Variants in MDN1 observed in about 807,000 individuals in gnomAD.
MDN1 encodes the protein midasin AAA ATPase 1, also known as midasin.
A neutral mutation model predicts 669.2 loss-of-function variants in MDN1; 266 were observed. The ratio of observed to expected loss-of-function variants is 0.40; its 90% CI spans 0.36 to 0.44. The LOEUF (loss-of-function observed/expected upper bound fraction) is 0.44. MDN1 is among the 20% of genes least tolerant of loss of function. MDN1 has a pLI of 1.00. For missense variants in MDN1, 5,940 were observed against 6,754.0 expected, an observed-to-expected ratio of 0.88 and a Z score of 4.22; for synonymous variants, 2,385 against 2,457.1, an observed-to-expected ratio of 0.97 and a Z score of 0.87.
At chr6:89,772,352 TAAAAC>T (rs1206168134) in intron 14 of MDN1, among the ~76,000 whole-genome samples, 5 of 152,106 alleles carry the variant, frequency 3.3e-5, no homozygotes, top group African/African-American at 1.2e-4. Flanking sequence ...TGTTTTGAAA[TAAAAC>T]AAAATCTATA....
chr6:89,704,013 C>CAAAA (rs60168431), intron 53 of MDN1, among the ~76,000 whole-genome samples: 1 of 104,008 alleles, frequency 9.6e-6, no homozygotes, highest in Admixed American at 1.0e-4. Flanking sequence ...AACTCCGTCT[C>CAAAA]AAAAAAAAAA....
rs1231422461 is a variant in MDN1 at position 89,686,930 on chromosome 6, G to T, written c.11544C>A (p.His3848Gln). The T allele has an allele frequency of 1.9e-6, 3 of 1,613,660 alleles. No individual in the cohort carries two copies. The highest frequency in any genetic ancestry group is 2.7e-5 in the African/African-American group (2 of 74,796). Residue 3848 changes from histidine (H) to glutamine (Q), a missense_variant, in exon 69 of 102, where the codon CAC becomes CAA. By Grantham distance (24) the His-to-Gln change is conservative. Around this residue, in one of 5 missense-constraint regions of MDN1, gnomAD observed 2,280 missense variants for 2,576.3 expected, o/e 0.88. Coordinates refer to ENST00000369393, the MANE Select transcript of MDN1 (RefSeq NM_014611.3). ...WFSIYQMLEK[H>Q]MQEQTEEQED... ...CCTGTTCTTCTGTTTGTTCCTGCAT[G>T]TGCTTCTCAAGCATCTGATAGATGG...
Position 89,819,654 on chromosome 6 carries a change from C to T in MDN1, c.-47G>A. On this transcript the variant is annotated 5_prime_UTR_variant, in exon 1 of 102. Transcript: ENST00000369393. ...GCGGCCACCTGCGCTCCCTACTTCG[C>T]GGCCAGCGTCCCCAAGCCGCCGAGG... The T allele has an allele frequency of 2.0e-6, 3 of 1,535,334 alleles. No individual in the cohort carries two copies. The highest frequency in any genetic ancestry group is 2.7e-6 in the Non-Finnish European group (3 of 1,122,792).
chr6:89,719,181 T>C lies in MDN1; in HGVS notation c.6012A>G (p.Pro2004=). 1 of 1,613,986 alleles carries C rather than the reference T, an allele frequency of 6.2e-7. No homozygotes were observed. The highest frequency in any genetic ancestry group is 8.5e-7 in the Non-Finnish European group (1 of 1,179,850). The change falls in exon 41 of 102, where the codon CCA becomes CCG. Residue 2004 remains proline, a synonymous_variant. Coordinates refer to ENST00000369393, the MANE Select transcript of MDN1 (RefSeq NM_014611.3). ...FKDVFGSNSN[P]YMGTRLFRIT... ...TACGAAATAGTCTGGTTCCCATGTA[T>C]GGGTTGGAATTTGAACCAAACACAT... is the stretch of plus-strand genomic sequence containing the variant.
chr6:89,695,147 G>A lies in MDN1; in HGVS notation c.9771+458C>T, dbSNP rs1812647340. On this transcript the variant is annotated intron_variant, in intron 61 of 101. Transcript: ENST00000369393. This position sits in a 1 kb window ranked among gnomAD's most constrained non-coding sequence, Gnocchi z 4.1. ...ACTCGGGAGGCTGAGGCAGAGAATT[G>A]CTTGAACCCAGGAGGCAGAGGTTGC... 6.6e-6 allele frequency among the ~76,000 whole-genome samples: 1 copy of A among 152,158 alleles called. No homozygotes were observed. The highest frequency in any genetic ancestry group is 2.1e-4 in the South Asian group (1 of 4,826).
intron 1 of MDN1, among the ~76,000 whole-genome samples, chr6:89,811,638 G>T (rs1312002877): frequency 6.6e-6 from 1 of 151,930 alleles, no homozygotes; most frequent in Non-Finnish European, 1.5e-5. Context: ...TAGAGATGGG[G>T]TTTCACCATA....
At chr6:89,731,737 C>T (rs918867803) in intron 34 of MDN1, among the ~76,000 whole-genome samples, 8 of 151,824 alleles carry the variant, frequency 5.3e-5, no homozygotes, top group Non-Finnish European at 1.0e-4. Context: ...GTAACAAACC[C>T]GCATATTCGG....
At position 89,693,999 on chromosome 6, in the gene MDN1, A is replaced by G. The variant is rs1200805470; in HGVS notation, c.9881+75T>C. The G allele has an allele frequency of 5.0e-6, 6 of 1,198,456 alleles. No homozygotes were observed. The East Asian group carries it at 1.4e-4, about 28-fold the overall frequency. The allele number at this position is 1,198,456 out of a possible 1,614,324, so 74.2% of individuals were successfully genotyped here. On this transcript the variant is annotated intron_variant, in intron 62 of 101. Coordinates refer to ENST00000369393, the MANE Select transcript of MDN1 (RefSeq NM_014611.3). ...TTTAGAGGTGTATATTATCACTTCT[A>G]CTCACACCATAACTACATTACATCA...
Position 89,643,730 on chromosome 6 carries a change from G to A in MDN1, c.*275C>T. 3.2e-6 allele frequency: 1 copy of A among 313,352 alleles called. No individual in the cohort carries two copies. The highest frequency in any genetic ancestry group is 5.8e-6 in the Non-Finnish European group (1 of 171,436). 19.4% of individuals were successfully genotyped at this position (313,352 alleles called of 1,614,324 possible). The stretch of plus-strand genomic sequence containing the variant: ...CAGCTGGGCTCCAACGGTGGGGTAT[G>A]ACCTCCTCCCAGGCCAGGGCTTCCA... On this transcript the variant is annotated 3_prime_UTR_variant, in exon 102 of 102. Transcript: ENST00000369393.
intron 24 of MDN1, among the ~76,000 whole-genome samples, chr6:89,750,079 C>T (rs1816865279): frequency 6.6e-6 from 1 of 152,174 alleles, no homozygotes; most frequent in African/African-American, 2.4e-5. Context: ...AACACTAACC[C>T]CATTCTCTGA....
chr6:89,704,857 G>A (rs1813414488), intron 53 of MDN1, among the ~76,000 whole-genome samples: 1 of 152,212 alleles, frequency 6.6e-6, no homozygotes, highest in African/African-American at 2.4e-5. Context: ...TGGGGTTAGA[G>A]GCGTGAGCCA....
At chr6:89,801,834 C>T (rs1382117464) in intron 2 of MDN1, among the ~76,000 whole-genome samples, 2 of 150,756 alleles carry the variant, frequency 1.3e-5, no homozygotes, top group Admixed American at 6.6e-5. Flanking sequence ...TAGTGATGTG[C>T]ATCTGTAGTC....
intron 1 of MDN1, among the ~76,000 whole-genome samples, chr6:89,817,122 C>A (rs1768893097): frequency 6.6e-6 from 1 of 152,156 alleles, no homozygotes; most frequent in South Asian, 2.1e-4. Context: ...CCCAGCTTTC[C>A]AGACCAAATC....
At chr6:89,705,274 G>C (rs950484449) in intron 53 of MDN1, among the ~76,000 whole-genome samples, 1 of 151,876 alleles carries the variant, frequency 6.6e-6, no homozygotes. Context: ...TTTTTTTTAT[G>C]TTTTTCAGAT....
intron 61 of MDN1, 150 bp from the exon 62 acceptor site, chr6:89,694,333 C>T: frequency 1.5e-6 from 1 of 646,462 alleles, no homozygotes; most frequent in East Asian, 2.7e-5. Context: ...CATTAATCTA[C>T]ACCACTCACA....
intron 31 of MDN1, among the ~76,000 whole-genome samples, chr6:89,742,064 G>A (rs1816324480): frequency 6.6e-6 from 1 of 152,048 alleles, no homozygotes; most frequent in South Asian, 2.1e-4. Context: ...TCGCATCGCT[G>A]CACTCCAGCC....
At chr6:89,815,855 C>T (rs1351035279) in intron 1 of MDN1, among the ~76,000 whole-genome samples, 1 of 152,152 alleles carries the variant, frequency 6.6e-6, no homozygotes, top group Non-Finnish European at 1.5e-5. Context: ...ACTCTCATCC[C>T]TGCTTTCCCT....
At chr6:89,807,350 T>C (rs977177125) in intron 1 of MDN1, among the ~76,000 whole-genome samples, 1 of 152,224 alleles carries the variant, frequency 6.6e-6, no homozygotes, top group Admixed American at 6.5e-5. Flanking sequence ...GCCCCCAAAG[T>C]GCTGGGATTA....
intron 56 of MDN1, 36 bp from the exon 57 acceptor site, chr6:89,700,330 T>C (rs921294947): frequency 6.6e-7 from 1 of 1,512,622 alleles, no homozygotes; most frequent in Non-Finnish European, 9.2e-7. Flanking sequence ...GAGAGCACAA[T>C]GGTTAAGAGT....
Sources: gnomAD v4.1 joint callset for allele counts (sites outside exome capture counted in the v4.1 genomes callset) on GRCh38, gnomAD v4.1.1 for gene constraint, gnomAD v4.1.1 regional missense constraint, Gnocchi (gnomAD v3.1) non-coding constraint, MANE v1.5 for transcripts, NCBI Gene and HGNC (gene_info 2026-07-23, HGNC 2026-07-21) for gene names.